DLGAP2: variants seen among roughly 807,000 people sequenced by gnomAD.
DLGAP2 encodes the protein disks large-associated protein 2.
A neutral mutation model predicts 100.3 loss-of-function variants in DLGAP2; 26 were observed. The ratio of observed to expected loss-of-function variants is 0.26; its 90% confidence interval spans 0.19 to 0.36. DLGAP2 has a LOEUF of 0.36. Among genes scored for constraint, DLGAP2 ranks in the 10% least tolerant of loss-of-function variants. The pLI, the probability that DLGAP2 is intolerant of heterozygous loss-of-function variation, is 1.00. For missense variants in DLGAP2, 1,858 were observed against 1,453.2 expected, an observed-to-expected ratio of 1.28 and a Z score of -4.53; for synonymous variants, 886 against 630.1, an observed-to-expected ratio of 1.41 and a Z score of -6.08.
intron 2 of DLGAP2, among the ~76,000 whole-genome samples, chr8:971,138 C>A (rs542016741): frequency 6.6e-6 from 1 of 152,148 alleles, no homozygotes; most frequent in African/African-American, 2.4e-5. Flanking sequence ...TTTGTGGTTT[C>A]GAGGACACCA....
intron 1 of DLGAP2, among the ~76,000 whole-genome samples, chr8:806,425 G>A (rs148221342): frequency 1.3e-5 from 2 of 152,290 alleles, no homozygotes; most frequent in East Asian, 1.9e-4. Flanking sequence ...ACTGGTCACC[G>A]CGGCCAGGGG....
At chr8:1,224,628 AAG>A (rs1406487805) in intron 2 of DLGAP2, among the ~76,000 whole-genome samples, 1 of 152,246 alleles carries the variant, frequency 6.6e-6, no homozygotes, top group Non-Finnish European at 1.5e-5. Context: ...AGGAGAAAAA[AAG>A]AGATGACTGA....
intron 1 of DLGAP2, among the ~76,000 whole-genome samples, chr8:804,121 C>G (rs1796222295): frequency 6.6e-6 from 1 of 152,054 alleles, no homozygotes; most frequent in Admixed American, 6.6e-5. Context: ...ATGCATGGCC[C>G]TGTAGGATTC....
intron 1 of DLGAP2, among the ~76,000 whole-genome samples, chr8:843,718 T>G (rs1233312183): frequency 6.6e-6 from 1 of 152,222 alleles, no homozygotes; most frequent in African/African-American, 2.4e-5. Flanking sequence ...TCTGGGAGGA[T>G]TGAAAGCTGT....
intron 4 of DLGAP2, 111 bp from the exon 5 acceptor site, chr8:1,548,515 C>T (rs1801628687): frequency 3.5e-6 from 3 of 857,034 alleles, no homozygotes; most frequent in Admixed American, 7.6e-5. Context: ...AGTGCCCAGG[C>T]CAGACATGGA....
chr8:1,673,409 G>GATAA (rs1308078533), intron 10 of DLGAP2, among the ~76,000 whole-genome samples: 2 of 152,174 alleles, frequency 1.3e-5, no homozygotes, highest in African/African-American at 4.8e-5. Context: ...TTCTGAAATT[G>GATAA]ATAAATACTT....
At chr8:1,299,823 A>C (rs1350483574) in intron 3 of DLGAP2, 1 of 152,194 alleles carries the variant, frequency 6.6e-6, no homozygotes, top group Non-Finnish European at 1.5e-5. Context: ...TGTAAGTAAA[A>C]TTTGAAAATC....
chr8:1,305,348 C>A (rs577414789), intron 3 of DLGAP2, among the ~76,000 whole-genome samples: 1 of 152,316 alleles, frequency 6.6e-6, no homozygotes, highest in Admixed American at 6.5e-5. Context: ...AAGCTATGAT[C>A]TTCAGCATTA....
intron 1 of DLGAP2, among the ~76,000 whole-genome samples, chr8:866,223 C>A (rs1023211253): frequency 6.6e-6 from 1 of 152,192 alleles, no homozygotes; most frequent in Non-Finnish European, 1.5e-5. Context: ...GCTTCTTACC[C>A]CAGGCCTGTC....
chr8:1,654,799 C>T (rs1397291923), intron 8 of DLGAP2, among the ~76,000 whole-genome samples: 2 of 152,052 alleles, frequency 1.3e-5, no homozygotes, highest in Admixed American at 6.6e-5. Flanking sequence ...AGTCAGTGTG[C>T]GCCATCACTG....
chr8:1,660,767 G>A (rs1397023053), intron 8 of DLGAP2, among the ~76,000 whole-genome samples: 1 of 152,186 alleles, frequency 6.6e-6, no homozygotes, highest in East Asian at 1.9e-4. Context: ...CAGAGATGGC[G>A]TTTCAGATCC....
chr8:1,548,214 C>G (rs527241916), intron 4 of DLGAP2, among the ~76,000 whole-genome samples: 2 of 152,184 alleles, frequency 1.3e-5, no homozygotes, highest in African/African-American at 2.4e-5. Flanking sequence ...AATCCCAGGA[C>G]TTTGGGAGGC....
intron 1 of DLGAP2, among the ~76,000 whole-genome samples, chr8:816,442 G>T (rs59358922): frequency 0.013 from 1,903 of 152,160 alleles, 47 homozygotes; most frequent in African/African-American, 0.044. Context: ...CTCAGCATTT[G>T]TTTATCTGGA....
At chr8:1,106,183 G>A (rs1804761648) in intron 2 of DLGAP2, among the ~76,000 whole-genome samples, 2 of 149,906 alleles carry the variant, frequency 1.3e-5, no homozygotes, top group Admixed American at 1.3e-4. Context: ...ATTCTAGGAG[G>A]TTTTCTACTG....
intron 3 of DLGAP2, among the ~76,000 whole-genome samples, chr8:1,294,450 C>T (rs184871073): frequency 6.6e-6 from 1 of 152,148 alleles, no homozygotes; most frequent in African/African-American, 2.4e-5. Flanking sequence ...GTCACTGAGA[C>T]CATGTGTTGA....
intron 1 of DLGAP2, among the ~76,000 whole-genome samples, chr8:795,989 C>CTGTCCAGTGAGAGCAGG (rs1796024615): frequency 1.2e-4 from 8 of 68,482 alleles, no homozygotes; most frequent in Non-Finnish European, 1.7e-4. Context: ...GTGAGAGCAG[C>CTGTCCAGTGAGAGCAGG]TGTCCAGTGA....
At chr8:876,887 C>T in intron 1 of DLGAP2, among the ~76,000 whole-genome samples, 1 of 148,824 alleles carries the variant, frequency 6.7e-6, no homozygotes, top group East Asian at 1.9e-4. Context: ...TTGCTTATTC[C>T]TTTTCCTGAT....
In DLGAP2 at chr8:1,278,065, C is replaced by T. The variant is rs535392453; in HGVS notation, c.106+19182C>T. 7.0e-4 allele frequency among the ~76,000 whole-genome samples: 107 copies of T among 152,220 alleles called. No individual in the cohort carries two copies. In the Middle Eastern group the frequency reaches 0.014, roughly 19 times the overall value. ...AGTAGTCTCTTGCAATTTCAACATT[C>T]AGGAGACATGCCTTTCTTTTCTCAT... On this transcript the variant is annotated intron_variant, in intron 3 of 14. Transcript: ENST00000637795.
intron 2 of DLGAP2, among the ~76,000 whole-genome samples, chr8:1,135,494 T>G (rs1796387041): frequency 7.3e-6 from 1 of 137,644 alleles, no homozygotes; most frequent in African/African-American, 2.7e-5. Context: ...TAGAAGGGTT[T>G]TTTTGTGGGT....
Sources: allele counts gnomAD v4.1 joint callset (sites outside exome capture counted in the v4.1 genomes callset), GRCh38; gene constraint gnomAD v4.1.1; transcripts MANE v1.5; gene names NCBI Gene and HGNC (gene_info 2026-07-23, HGNC 2026-07-21).